Variants in PPP1R12B observed in about 807,000 individuals in gnomAD.
PPP1R12B encodes the protein myosin phosphatase target subunit 2.
In PPP1R12B, 76 loss-of-function variants were observed where a neutral mutation model predicts 126.1. That is an observed-to-expected ratio of 0.60 (90% CI 0.50 to 0.73). The LOEUF (loss-of-function observed/expected upper bound fraction) is 0.73, where lower values mean the gene tolerates loss of function less well. Ranked by LOEUF, PPP1R12B falls within the 30% of genes least tolerant of loss-of-function variation. The pLI, the probability that PPP1R12B is intolerant of heterozygous loss-of-function variation, is 0.00. For synonymous variants in PPP1R12B, 356 were observed against 434.7 expected (o/e 0.82, Z 2.25); for missense variants, 1,052 against 1,205.1 (o/e 0.87, Z 1.88).
chr1:202,554,580 C>G lies in PPP1R12B; in HGVS notation c.2491-4297C>G, dbSNP rs1426547115. Among the ~76,000 whole-genome samples, 3 of 152,028 alleles carry G rather than the reference C, an allele frequency of 2.0e-5. No individual in the cohort carries two copies. In the East Asian group the frequency reaches 5.8e-4, roughly 29 times the overall value. On this transcript the variant is annotated intron_variant, in intron 18 of 23. Transcript: ENST00000608999. ...AAGGATTCCACATAGCTCCAAAAGTCAGGTAAAAGCTGGAGGGAATTAGAG... is the reference window on the plus strand; with the variant it reads ...AAGGATTCCACATAGCTCCAAAAGTGAGGTAAAAGCTGGAGGGAATTAGAG...
intron 18 of PPP1R12B, among the ~76,000 whole-genome samples, chr1:202,534,704 A>G (rs916782602): frequency 3.3e-5 from 5 of 151,960 alleles, no homozygotes. Context: ...CCAGGCTACT[A>G]CCTCACCACT....
rs574357162 is a variant in PPP1R12B, at chr1:202,439,446, T to C, written c.1459-1260T>C. The C allele has an allele frequency of 9.9e-5, 135 of 1,365,900 alleles. No individual in the cohort carries two copies. In the African/African-American group the frequency reaches 1.5e-3, roughly 15 times the overall value. 84.6% of individuals were successfully genotyped at this position (1,365,900 alleles called of 1,614,324 possible). A position where few individuals can be genotyped will look rare whatever the true frequency, so the allele number is the denominator to read the frequency against. On this transcript the variant is annotated intron_variant, in intron 10 of 23. Coordinates refer to ENST00000608999, the MANE Select transcript of PPP1R12B (RefSeq NM_002481.4). ...CTGGAAAATGCTGGGCGACCCCAGC[T>C]GGCTGCCCGCCAAGTGCCCCGGCAA... is the stretch of plus-strand genomic sequence containing the variant.
chr1:202,389,232 A>G (rs1370419055), intron 1 of PPP1R12B, among the ~76,000 whole-genome samples: 1 of 152,264 alleles, frequency 6.6e-6, no homozygotes, highest in Non-Finnish European at 1.5e-5. Flanking sequence ...GAAACTCAGA[A>G]CTTTTCTATG....
At chr1:202,441,460 C>T (rs1210510629) in intron 11 of PPP1R12B, among the ~76,000 whole-genome samples, 1 of 152,152 alleles carries the variant, frequency 6.6e-6, no homozygotes, top group East Asian at 1.9e-4. Flanking sequence ...CTGCTCCTGG[C>T]CTGGGTGCAT....
intron 1 of PPP1R12B, among the ~76,000 whole-genome samples, chr1:202,366,953 C>G (rs1659348118): frequency 6.6e-6 from 1 of 152,086 alleles, no homozygotes; most frequent in Non-Finnish European, 1.5e-5. Context: ...AACTATGGTA[C>G]TTAAGTGGTT....
chr1:202,349,922 T>A (rs1331265985), intron 1 of PPP1R12B, among the ~76,000 whole-genome samples: 1 of 152,204 alleles, frequency 6.6e-6, no homozygotes, highest in Non-Finnish European at 1.5e-5. Context: ...ACACCTTTAC[T>A]TCTGTCACCT....
chr1:202,376,072 G>A (rs1028960062), intron 1 of PPP1R12B, among the ~76,000 whole-genome samples: 1 of 152,190 alleles, frequency 6.6e-6, no homozygotes, highest in African/African-American at 2.4e-5. Flanking sequence ...GAAGGGGGTG[G>A]TGGCAAGAAA....
rs2148865037 is a variant in PPP1R12B, at chr1:202,498,350, A to G, written c.2490+1528A>G. On this transcript the variant is annotated intron_variant, in intron 18 of 23. Coordinates refer to ENST00000608999, the MANE Select transcript of PPP1R12B (RefSeq NM_002481.4). ...AGGAAAACAACAATGTGAATCAAAAAGAATAAACAGCCCATTATCTGTGGA... is the reference window on the plus strand; with the variant it reads ...AGGAAAACAACAATGTGAATCAAAAGGAATAAACAGCCCATTATCTGTGGA... Among the ~76,000 whole-genome samples, 2 of 152,354 alleles carry G rather than the reference A, an allele frequency of 1.3e-5. 1 individual carries two copies. Among genetic ancestry groups the G allele is most frequent in the South Asian group, 4.1e-4 (2 of 4,826 alleles).
chr1:202,576,366 T>G (rs1558395427), intron 23 of PPP1R12B: 2 of 152,232 alleles, frequency 1.3e-5, no homozygotes, highest in Non-Finnish European at 2.9e-5. Context: ...ACAATCTAAT[T>G]AGTCCTGACC....
chr1:202,398,870 C>T (rs1665394270), intron 1 of PPP1R12B, among the ~76,000 whole-genome samples: 1 of 151,748 alleles, frequency 6.6e-6, no homozygotes, highest in African/African-American at 2.4e-5. Flanking sequence ...AGAGAAGGCT[C>T]AAAAAAGGGC....
intron 1 of PPP1R12B, among the ~76,000 whole-genome samples, chr1:202,361,868 A>G (rs1341571646): frequency 1.3e-5 from 2 of 152,154 alleles, no homozygotes; most frequent in African/African-American, 4.8e-5. Flanking sequence ...ACTGTGGGCA[A>G]ATGATGTGCT....
chr1:202,440,867 T>C (rs1366802271), intron 11 of PPP1R12B, 79 bp downstream of exon 11: 4 of 1,214,234 alleles, frequency 3.3e-6, no homozygotes, highest in Non-Finnish European at 4.8e-6. Flanking sequence ...GCATTACTCT[T>C]CTGCATTTTT....
At chr1:202,480,903 G>GA (rs1434235255) in intron 13 of PPP1R12B, among the ~76,000 whole-genome samples, 2 of 152,174 alleles carry the variant, frequency 1.3e-5, no homozygotes, top group Non-Finnish European at 2.9e-5. Flanking sequence ...ATATGTTTTA[G>GA]AGCAGTGTTC....
chr1:202,351,876 C>T (rs947061661), intron 1 of PPP1R12B, among the ~76,000 whole-genome samples: 3 of 152,152 alleles, frequency 2.0e-5, no homozygotes, highest in Non-Finnish European at 2.9e-5. Flanking sequence ...CTTGTGGTGC[C>T]TTGATGCTTC....
intron 1 of PPP1R12B, 78 bp downstream of exon 1, chr1:202,349,220 G>C: frequency 1.3e-6 from 2 of 1,539,064 alleles, no homozygotes; most frequent in East Asian, 2.3e-5. Flanking sequence ...CCCATGGGGA[G>C]TATCAGTGTT....
intron 1 of PPP1R12B, among the ~76,000 whole-genome samples, chr1:202,353,128 CAG>C (rs1341971843): frequency 3.3e-5 from 5 of 152,184 alleles, no homozygotes; most frequent in African/African-American, 1.2e-4. Context: ...TATATTCAGA[CAG>C]AGACAGAAGA....
At chr1:202,388,647 A>T (rs1028425087) in intron 1 of PPP1R12B, among the ~76,000 whole-genome samples, 1 of 152,174 alleles carries the variant, frequency 6.6e-6, no homozygotes, top group African/African-American at 2.4e-5. Context: ...AATAGTAACT[A>T]CCTCATAGAA....
intron 18 of PPP1R12B, among the ~76,000 whole-genome samples, chr1:202,504,755 TC>T (rs1229391490): frequency 6.6e-6 from 1 of 152,202 alleles, no homozygotes; most frequent in Non-Finnish European, 1.5e-5. Flanking sequence ...GGAGCTAGAC[TC>T]CCTGCATTTA....
chr1:202,475,847 T>C (rs1321906310), intron 13 of PPP1R12B, among the ~76,000 whole-genome samples: 1 of 151,818 alleles, frequency 6.6e-6, no homozygotes, highest in Non-Finnish European at 1.5e-5. Flanking sequence ...CAGGTTGATA[T>C]TAAAGAAGGT....
Sources: allele counts gnomAD v4.1 joint callset (sites outside exome capture counted in the v4.1 genomes callset), GRCh38; gene constraint gnomAD v4.1.1; transcripts MANE v1.5; gene names NCBI Gene and HGNC (gene_info 2026-07-23, HGNC 2026-07-21).